The following MAP3K20 variants were observed in gnomAD, a reference collection of about 807,000 sequenced individuals.
The protein encoded by MAP3K20 is HCCS-4.
MAP3K20 carries 40 observed loss-of-function variants against 85.7 expected under a neutral mutation model. The ratio of observed to expected loss-of-function variants is 0.47; its 90% CI spans 0.36 to 0.61. MAP3K20 has a LOEUF of 0.61. Ranked by LOEUF, MAP3K20 falls within the 20% of genes least tolerant of loss-of-function variation. The pLI is 0.00. For synonymous variants in MAP3K20, 325 were observed against 327.7 expected (o/e 0.99, Z 0.09); for missense variants, 817 against 961.7 (o/e 0.85, Z 1.99).
intron 2 of MAP3K20, among the ~76,000 whole-genome samples, chr2:173,152,850 C>A (rs1480600957): frequency 6.6e-6 from 1 of 151,364 alleles, no homozygotes; most frequent in Non-Finnish European, 1.5e-5. Context: ...TTGAGGCTCC[C>A]AAGAATATAG....
Position 173,255,178 on chromosome 2 carries a change from T to C in MAP3K20, c.1360-3521T>C, listed in dbSNP as rs374849964. ...CAGTGTTTCTCCAAAAGTTGGACTT[T>C]GGGGAGCAGGGAAGCAGTTGCTGCA... On this transcript the variant is annotated intron_variant, in intron 16 of 19. Transcript: ENST00000375213. Among the ~76,000 whole-genome samples the C allele has an allele frequency of 2.2e-4, 34 of 152,354 alleles. No individual in the cohort carries two copies. The East Asian group carries it at 3.9e-3, about 17-fold the overall frequency.
chr2:173,221,860 T>C, intron 11 of MAP3K20: 1 of 1,012,742 alleles, frequency 9.9e-7, no homozygotes, highest in South Asian at 4.6e-5. Context: ...TAGTTTGTAT[T>C]TGACTTTATT....
At chr2:173,202,115 C>T (rs958146926) in intron 8 of MAP3K20, among the ~76,000 whole-genome samples, 3 of 152,106 alleles carry the variant, frequency 2.0e-5, no homozygotes, top group Non-Finnish European at 2.9e-5. Context: ...CAGCCCCCAA[C>T]CATTTTATAT....
chr2:173,187,490 T>G, intron 4 of MAP3K20, 68 bp from the exon 5 acceptor site: 1 of 1,352,932 alleles, frequency 7.4e-7, no homozygotes, highest in Non-Finnish European at 1.0e-6. Flanking sequence ...TTTGAAAAAC[T>G]ATGAAAGGTA....
chr2:173,134,420 A>ATTTT (rs1559246094), intron 2 of MAP3K20, among the ~76,000 whole-genome samples: 5 of 6,154 alleles, frequency 8.1e-4, no homozygotes, highest in African/African-American at 1.9e-3. Flanking sequence ...ATATATATAT[A>ATTTT]TATATATATT....
chr2:173,156,674 C>T (rs1157646105), intron 2 of MAP3K20, among the ~76,000 whole-genome samples: 3 of 152,138 alleles, frequency 2.0e-5, no homozygotes, highest in Admixed American at 6.5e-5. Context: ...TGACAGGAGG[C>T]GGAGCTCAGG....
chr2:173,165,451 C>A (rs1689788172), intron 2 of MAP3K20, among the ~76,000 whole-genome samples: 1 of 151,980 alleles, frequency 6.6e-6, no homozygotes, highest in Non-Finnish European at 1.5e-5. Flanking sequence ...CTGTCCCAGT[C>A]TTTTCTTAGA....
intron 1 of MAP3K20, among the ~76,000 whole-genome samples, chr2:173,089,878 A>T (rs1415773460): frequency 6.6e-6 from 1 of 152,190 alleles, no homozygotes; most frequent in Non-Finnish European, 1.5e-5. Flanking sequence ...CAGCCTAGTC[A>T]TTGTGTTTAA....
At chr2:173,117,664 T>C (rs1574029217) in intron 2 of MAP3K20, among the ~76,000 whole-genome samples, 3 of 152,268 alleles carry the variant, frequency 2.0e-5, no homozygotes, top group African/African-American at 7.2e-5. Flanking sequence ...GATTACACAG[T>C]ATAGAATAGA....
intron 1 of MAP3K20, chr2:173,090,529 A>G (rs1687262979): frequency 1.3e-6 from 1 of 746,522 alleles, no homozygotes. Flanking sequence ...CTGTCTGTGT[A>G]CCAGGATGCT....
chr2:173,236,297 G>A (rs904906196), intron 14 of MAP3K20, among the ~76,000 whole-genome samples: 7 of 149,640 alleles, frequency 4.7e-5, no homozygotes, highest in Non-Finnish European at 1.0e-4. Context: ...AAAAAGGCAG[G>A]GACAGGGGAC....
At chr2:173,096,456 C>T (rs573638068) in intron 2 of MAP3K20, among the ~76,000 whole-genome samples, 1 of 152,096 alleles carries the variant, frequency 6.6e-6, no homozygotes, top group East Asian at 1.9e-4. Flanking sequence ...TCTCCTGCCT[C>T]AGCCTCCTGA....
Position 173,191,108 on chromosome 2 carries a change from A to G in MAP3K20, c.513A>G (p.Pro171=), listed in dbSNP as rs1690636687. Residue 171 remains proline (P), a synonymous_variant, in exon 7 of 20, where the codon CCA becomes CCG. Transcript: ENST00000375213. ...ACATGTCCTTGGTTGGAACTTTCCC[A>G]TGGATGGCTCCAGAAGTTATCCAGA... The part of the protein sequence containing the change: ...TTHMSLVGTF[P]WMAPEVIQSL... 7.4e-6 allele frequency: 12 copies of G among 1,614,098 alleles called. No individual in the cohort carries two copies. Among genetic ancestry groups the G allele is most frequent in the Middle Eastern group, 1.6e-4 (1 of 6,062 alleles).
intron 16 of MAP3K20, among the ~76,000 whole-genome samples, chr2:173,252,195 G>A (rs977717243): frequency 6.6e-6 from 1 of 151,988 alleles, no homozygotes; most frequent in African/African-American, 2.4e-5. Context: ...GGCATCACTT[G>A]TACTAGCTTG....
chr2:173,179,832 G>A (rs1690273989), intron 3 of MAP3K20, among the ~76,000 whole-genome samples: 1 of 151,890 alleles, frequency 6.6e-6, no homozygotes, highest in Non-Finnish European at 1.5e-5. Flanking sequence ...TACTGAGAGT[G>A]AACAACCTAA....
At chr2:173,194,237 C>T (rs1690751706) in intron 7 of MAP3K20, among the ~76,000 whole-genome samples, 1 of 152,124 alleles carries the variant, frequency 6.6e-6, no homozygotes, top group South Asian at 2.1e-4. Flanking sequence ...TAAACAAGAA[C>T]TCAGGACTGT....
At chr2:173,147,801 G>T (rs1410894093) in intron 2 of MAP3K20, among the ~76,000 whole-genome samples, 1 of 152,056 alleles carries the variant, frequency 6.6e-6, no homozygotes, top group Admixed American at 6.5e-5. Flanking sequence ...TGGCCAGGAT[G>T]GTCTTGATTT....
intron 11 of MAP3K20, among the ~76,000 whole-genome samples, chr2:173,219,232 G>GCCA (rs1559285552): frequency 6.6e-6 from 1 of 152,164 alleles, no homozygotes; most frequent in Non-Finnish European, 1.5e-5. Flanking sequence ...TTTCCTGTAG[G>GCCA]TGGCCTCATC....
At chr2:173,079,317 T>C (rs7567603) in intron 1 of MAP3K20, among the ~76,000 whole-genome samples, 1,829 of 152,298 alleles carry the variant, frequency 0.012, 22 homozygotes, top group Middle Eastern at 0.024. Flanking sequence ...TATAGGGCAT[T>C]TACCATGAAT....
Sources: gnomAD v4.1 joint callset for allele counts (sites outside exome capture counted in the v4.1 genomes callset) on GRCh38, gnomAD v4.1.1 for gene constraint, MANE v1.5 for transcripts, NCBI Gene and HGNC (gene_info 2026-07-23, HGNC 2026-07-21) for gene names.